The following MCHR2 variants were observed in gnomAD, a reference collection of about 807,000 sequenced individuals.
MCHR2 encodes melanin-concentrating hormone receptor 2.
MCHR2 carries 15 observed loss-of-function variants against 24.8 expected under a neutral mutation model. The ratio of observed to expected loss-of-function variants is 0.60; its 90% CI spans 0.40 to 0.93. The LOEUF is 0.93. Among genes scored for constraint, MCHR2 ranks in the 40% least tolerant of loss-of-function variants. The pLI is 0.00. For missense variants in MCHR2, 386 were observed against 408.7 expected (o/e 0.94, Z 0.48); for synonymous variants, 151 against 147.6 (o/e 1.02, Z -0.17).
rs1037548717 is a variant in MCHR2 at position 99,920,503 on chromosome 6, A to G, written c.*437T>C. ...GGACCATATAAAACTGACATTTTTT[A>G]TAGATAAAAAATAGCCAAATTTTAG... On this transcript the variant is annotated 3_prime_UTR_variant, in exon 6 of 6. Transcript: ENST00000281806. 1.8e-5 allele frequency: 3 copies of G among 168,604 alleles called. No individual in the cohort carries two copies. The highest frequency in any genetic ancestry group is 7.2e-5 in the African/African-American group (3 of 41,816). 10.4% of individuals were successfully genotyped at this position (168,604 alleles called of 1,614,324 possible).
At chr6:99,958,537 GAAAA>G (rs571436225) in intron 1 of MCHR2, among the ~76,000 whole-genome samples, 1 of 149,414 alleles carries the variant, frequency 6.7e-6, no homozygotes, top group Non-Finnish European at 1.5e-5. Context: ...TGATTACAAT[GAAAA>G]AAAAAATCTG....
intron 1 of MCHR2, among the ~76,000 whole-genome samples, chr6:99,962,812 G>T (rs947284859): frequency 9.9e-5 from 15 of 152,016 alleles, no homozygotes; most frequent in Admixed American, 7.2e-4. Flanking sequence ...ACATCCTACA[G>T]ACTGGGAGAA....
At chr6:99,986,473 T>C (rs978374744) in intron 1 of MCHR2, among the ~76,000 whole-genome samples, 1 of 152,316 alleles carries the variant, frequency 6.6e-6, no homozygotes, top group East Asian at 1.9e-4. Context: ...ATGTATACTA[T>C]GGAATCCTAC....
At chr6:99,979,297 C>A (rs1458080126) in intron 1 of MCHR2, among the ~76,000 whole-genome samples, 1 of 152,140 alleles carries the variant, frequency 6.6e-6, no homozygotes, top group African/African-American at 2.4e-5. Flanking sequence ...AGAATCCCTG[C>A]ACTTTGCTCA....
chr6:99,943,340 T>C (rs1031862375), intron 3 of MCHR2, among the ~76,000 whole-genome samples, 197 bp from the exon 4 acceptor site: 1 of 150,716 alleles, frequency 6.6e-6, no homozygotes, highest in African/African-American at 2.4e-5. Context: ...TTATTTATTT[T>C]TATTATTATT....
intron 1 of MCHR2, among the ~76,000 whole-genome samples, chr6:99,971,956 G>C (rs532626443): frequency 6.6e-6 from 1 of 152,092 alleles, no homozygotes; most frequent in Non-Finnish European, 1.5e-5. Flanking sequence ...TGCTGGATTC[G>C]GTTTGCCAGT....
chr6:99,990,350 A>T (rs1419217683), intron 1 of MCHR2, among the ~76,000 whole-genome samples: 1 of 152,184 alleles, frequency 6.6e-6, no homozygotes, highest in Admixed American at 6.5e-5. Flanking sequence ...TGTCTCTCTT[A>T]ATGTTAGAGT....
At chr6:99,939,554 C>A (rs1053469786) in intron 4 of MCHR2, among the ~76,000 whole-genome samples, 2 of 151,936 alleles carry the variant, frequency 1.3e-5, no homozygotes. Flanking sequence ...ATAGCTGTTA[C>A]CATTTTTGAT....
chr6:99,966,896 C>A (rs772688988), intron 1 of MCHR2, among the ~76,000 whole-genome samples: 3 of 151,920 alleles, frequency 2.0e-5, no homozygotes, highest in African/African-American at 4.8e-5. Context: ...ATAATGAAAG[C>A]CAATGCTAAA....
chr6:99,926,664 C>T (rs1232430088), intron 5 of MCHR2, among the ~76,000 whole-genome samples: 4 of 152,150 alleles, frequency 2.6e-5, no homozygotes, highest in East Asian at 1.9e-4. Context: ...ATGTCCTTCG[C>T]CCACTTTTTG....
At chr6:99,921,621 G>A (rs1019319932) in intron 5 of MCHR2, among the ~76,000 whole-genome samples, 1 of 152,020 alleles carries the variant, frequency 6.6e-6, no homozygotes, top group African/African-American at 2.4e-5. Context: ...TTTGTATTAC[G>A]AACAATCCAA....
chr6:99,976,077 C>G (rs1184154670), intron 1 of MCHR2, among the ~76,000 whole-genome samples: 1 of 152,086 alleles, frequency 6.6e-6, no homozygotes, highest in Non-Finnish European at 1.5e-5. Context: ...CACAAATTTA[C>G]AAACACAAAT....
At chr6:99,930,181 G>A (rs1457351453) in intron 5 of MCHR2, among the ~76,000 whole-genome samples, 6 of 152,128 alleles carry the variant, frequency 3.9e-5, no homozygotes, top group Non-Finnish European at 8.8e-5. Context: ...CTTTCTCCTG[G>A]CTTGTAGGGT....
In MCHR2 at chr6:99,981,313, G is replaced by A. The variant is rs543117668; in HGVS notation, c.-28+12623C>T. Among the ~76,000 whole-genome samples the A allele has an allele frequency of 2.5e-4, 38 of 152,278 alleles. 1 individual carries two copies. The highest frequency in any genetic ancestry group is 2.4e-3 in the Admixed American group (37 of 15,298). The stretch of plus-strand genomic sequence containing the variant: ...AGATAAAATTGACTGGTACTTTTCT[G>A]CTAAACACTTCCCTGTGGGGTAAGC... On this transcript the variant is annotated intron_variant, in intron 1 of 5. Coordinates refer to ENST00000281806, the MANE Select transcript of MCHR2 (RefSeq NM_001040179.2).
chr6:99,982,555 C>G (rs1775691923), intron 1 of MCHR2, among the ~76,000 whole-genome samples: 1 of 148,632 alleles, frequency 6.7e-6, no homozygotes, highest in African/African-American at 2.5e-5. Context: ...AGGAAGATCG[C>G]TTGAGCCTGG....
At chr6:99,968,049 C>A (rs1775326594) in intron 1 of MCHR2, among the ~76,000 whole-genome samples, 1 of 151,828 alleles carries the variant, frequency 6.6e-6, no homozygotes, top group Non-Finnish European at 1.5e-5. Flanking sequence ...ATGTGATAAT[C>A]CAAAAAAAGT....
At position 99,919,142 on chromosome 6, in the gene MCHR2, C is replaced by T. The variant is rs933282037; in HGVS notation, c.*1798G>A. ...TGGCCATGACACAGCTTCTTATTGA[C>T]GTTTTATAGGAGCATCCAGCTGCAT... On this transcript the variant is annotated 3_prime_UTR_variant, in exon 6 of 6. Transcript: ENST00000281806. Among the ~76,000 whole-genome samples, 5 of 152,068 alleles carry T rather than the reference C, an allele frequency of 3.3e-5. No homozygotes were observed. Among genetic ancestry groups the T allele is most frequent in the South Asian group, 2.1e-4 (1 of 4,816 alleles).
At chr6:99,993,712 C>T (rs960127621) in intron 1 of MCHR2, among the ~76,000 whole-genome samples, 2 of 152,160 alleles carry the variant, frequency 1.3e-5, no homozygotes, top group African/African-American at 4.8e-5. Context: ...AGCCGGCCAC[C>T]CACCCGCCCC....
At chr6:99,938,849 C>T (rs1355506981) in intron 4 of MCHR2, among the ~76,000 whole-genome samples, 1 of 152,034 alleles carries the variant, frequency 6.6e-6, no homozygotes, top group Non-Finnish European at 1.5e-5. Context: ...TTAGTGTTTG[C>T]TCTATATATT....
Sources: gnomAD v4.1 joint callset for allele counts (sites outside exome capture counted in the v4.1 genomes callset) on GRCh38, gnomAD v4.1.1 for gene constraint, MANE v1.5 for transcripts, NCBI Gene and HGNC (gene_info 2026-07-23, HGNC 2026-07-21) for gene names.